Variants in JMY observed in about 807,000 individuals in gnomAD.
JMY encodes junction mediating and regulatory protein, p53 cofactor.
In JMY, 46 loss-of-function variants were observed where a neutral mutation model predicts 103.3. The ratio of observed to expected loss-of-function variants is 0.45; its 90% confidence interval spans 0.35 to 0.57. The LOEUF (loss-of-function observed/expected upper bound fraction) is 0.57, where lower values mean the gene tolerates loss of function less well. Ranked by LOEUF, JMY falls within the 20% of genes least tolerant of loss-of-function variation. JMY has a pLI of 0.00. For synonymous variants in JMY, 526 were observed against 489.3 expected (o/e 1.07, Z -0.99); for missense variants, 1,238 against 1,255.2 (o/e 0.99, Z 0.21).
At chr5:79,310,931 G>A (rs940242159) in intron 7 of JMY, among the ~76,000 whole-genome samples, 1 of 152,180 alleles carries the variant, frequency 6.6e-6, no homozygotes, top group East Asian at 1.9e-4. Context: ...CTTGGGCCCA[G>A]GAGTTCGAGA....
At chr5:79,287,765 A>C (rs1186248649) in intron 2 of JMY, among the ~76,000 whole-genome samples, 1 of 152,230 alleles carries the variant, frequency 6.6e-6, no homozygotes, top group Admixed American at 6.5e-5. Context: ...AAGGTAGCAA[A>C]CTATGTTATC....
chr5:79,264,953 A>G (rs935515210), intron 1 of JMY, among the ~76,000 whole-genome samples: 4 of 152,132 alleles, frequency 2.6e-5, no homozygotes, highest in Non-Finnish European at 5.9e-5. Flanking sequence ...GTCTTGCGCT[A>G]TCACTGTCAC....
chr5:79,257,536 C>A (rs962995709), intron 1 of JMY, among the ~76,000 whole-genome samples: 1 of 152,054 alleles, frequency 6.6e-6, no homozygotes, highest in Non-Finnish European at 1.5e-5. Flanking sequence ...CCAGGAATGT[C>A]GAGGCTGCAG....
chr5:79,286,330 A>AT (rs571277029), intron 2 of JMY, among the ~76,000 whole-genome samples: 4 of 151,908 alleles, frequency 2.6e-5, no homozygotes, highest in Non-Finnish European at 5.9e-5. Context: ...TTAAAAAAAA[A>AT]TTTTTTTTGC....
chr5:79,272,559 A>G (rs963491764), intron 1 of JMY, among the ~76,000 whole-genome samples: 2 of 151,996 alleles, frequency 1.3e-5, no homozygotes, highest in African/African-American at 4.8e-5. Flanking sequence ...TGGGGCTTAT[A>G]GCATACCTTC....
At chr5:79,266,534 C>T (rs1406405467) in intron 1 of JMY, among the ~76,000 whole-genome samples, 2 of 152,136 alleles carry the variant, frequency 1.3e-5, no homozygotes, top group Non-Finnish European at 2.9e-5. Context: ...ATAATGATCA[C>T]GTCAGGTAAT....
intron 1 of JMY, among the ~76,000 whole-genome samples, chr5:79,268,096 T>C (rs1383659444): frequency 2.0e-5 from 3 of 151,914 alleles, no homozygotes; most frequent in Non-Finnish European, 4.4e-5. Context: ...TTTAAAAAAT[T>C]AGTGGGTGTG....
At chr5:79,289,279 A>ACCTTCAG in intron 2 of JMY, among the ~76,000 whole-genome samples, 2 of 149,144 alleles carry the variant, frequency 1.3e-5, no homozygotes, top group Non-Finnish European at 3.0e-5. Context: ...TATTATTTCT[A>ACCTTCAG]CCTTCAGAAT....
intron 6 of JMY, among the ~76,000 whole-genome samples, chr5:79,303,635 A>G (rs552975273): frequency 8.5e-5 from 13 of 152,286 alleles, no homozygotes; most frequent in African/African-American, 3.1e-4. Context: ...GTGTGTGCAG[A>G]AGAACGGGAT....
chr5:79,275,353 G>A (rs1264585351), intron 1 of JMY, among the ~76,000 whole-genome samples: 1 of 151,936 alleles, frequency 6.6e-6, no homozygotes, highest in Non-Finnish European at 1.5e-5. Context: ...AGTAGAGACG[G>A]GGTTTCACCA....
chr5:79,262,069 G>T (rs1480077098), intron 1 of JMY, among the ~76,000 whole-genome samples: 1 of 152,168 alleles, frequency 6.6e-6, no homozygotes, highest in Non-Finnish European at 1.5e-5. Context: ...GCTGAATCCT[G>T]CTGTGGCCGT....
chr5:79,237,600 A>T lies in JMY; in HGVS notation c.950A>T (p.Glu317Val). 5.6e-6 allele frequency: 9 copies of T among 1,613,560 alleles called. No individual in the cohort carries two copies. Among genetic ancestry groups the T allele is most frequent in the Non-Finnish European group, 7.6e-6 (9 of 1,179,972 alleles). The change falls in exon 1 of 11, where the codon GAG becomes GTG. Residue 317 changes from glutamate (E) to valine (V), a missense_variant. Coordinates refer to ENST00000396137, the MANE Select transcript of JMY (RefSeq NM_152405.5). ...CTCTTCACCGAGACCGATGATCCCG[A>T]GGAGTATTACGAAAGCCTCAGCGAG... ...QVLFTETDDP[E>V]EYYESLSELR...
chr5:79,297,131 C>T (rs1394139289), intron 4 of JMY, among the ~76,000 whole-genome samples: 1 of 152,148 alleles, frequency 6.6e-6, no homozygotes, highest in South Asian at 2.1e-4. Flanking sequence ...AGAACTGAGT[C>T]TAGCTCAAAC....
At chr5:79,279,239 C>T (rs899335392) in intron 2 of JMY, among the ~76,000 whole-genome samples, 64 of 152,168 alleles carry the variant, frequency 4.2e-4, no homozygotes, top group African/African-American at 1.5e-3. Flanking sequence ...AGGGCTGAGG[C>T]AGGAGAATCA....
chr5:79,271,587 T>G (rs554383365), intron 1 of JMY, among the ~76,000 whole-genome samples: 1 of 152,316 alleles, frequency 6.6e-6, no homozygotes, highest in African/African-American at 2.4e-5. Flanking sequence ...TTACCTGTTG[T>G]TTCTACTGAA....
chr5:79,290,616 A>G (rs1345719442), intron 3 of JMY, among the ~76,000 whole-genome samples: 1 of 152,190 alleles, frequency 6.6e-6, no homozygotes, highest in Non-Finnish European at 1.5e-5. Context: ...AGCTAATTTT[A>G]TAAGTGTTTT....
intron 1 of JMY, among the ~76,000 whole-genome samples, chr5:79,241,090 C>T (rs1744726601): frequency 6.6e-6 from 1 of 152,114 alleles, no homozygotes; most frequent in Non-Finnish European, 1.5e-5. Flanking sequence ...CTACAGTATT[C>T]CTTTCCCTGT....
At chr5:79,279,993 G>A (rs1171360929) in intron 2 of JMY, among the ~76,000 whole-genome samples, 3 of 152,140 alleles carry the variant, frequency 2.0e-5, no homozygotes, top group African/African-American at 7.2e-5. Flanking sequence ...ATGGGCGCAT[G>A]CCACCACGCC....
At chr5:79,300,046 A>C (rs1746685327) in intron 4 of JMY, 107 bp from the exon 5 acceptor site, 1 of 708,502 alleles carries the variant, frequency 1.4e-6, no homozygotes, top group Admixed American at 3.0e-5. Context: ...TTCTGAGAGG[A>C]ATTACTTAAT....
Sources: gnomAD v4.1 joint callset for allele counts (sites outside exome capture counted in the v4.1 genomes callset) on GRCh38, gnomAD v4.1.1 for gene constraint, MANE v1.5 for transcripts, NCBI Gene and HGNC (gene_info 2026-07-23, HGNC 2026-07-21) for gene names.